The following SPHKAP variants were observed in gnomAD, a reference collection of about 807,000 sequenced individuals.
SPHKAP encodes A-kinase anchor protein SPHKAP.
In SPHKAP, 67 loss-of-function variants were observed where a neutral mutation model predicts 137.5. That is an observed-to-expected ratio of 0.49 (90% CI 0.40 to 0.60). The LOEUF is 0.60. SPHKAP is among the 20% of genes least tolerant of loss of function. SPHKAP has a pLI of 0.00. For synonymous variants in SPHKAP, 813 were observed against 785.3 expected, an observed-to-expected ratio of 1.04 and a Z score of -0.59; for missense variants, 2,097 against 2,069.3, an observed-to-expected ratio of 1.01 and a Z score of -0.26.
At chr2:228,178,550 T>G (rs1424702342) in intron 1 of SPHKAP, among the ~76,000 whole-genome samples, 2 of 152,148 alleles carry the variant, frequency 1.3e-5, no homozygotes, top group Non-Finnish European at 2.9e-5. Context: ...CTTTTTTTGT[T>G]TTTCTAATAT....
At chr2:228,076,261 G>T (rs570283318) in intron 3 of SPHKAP, among the ~76,000 whole-genome samples, 1 of 152,084 alleles carries the variant, frequency 6.6e-6, no homozygotes, top group Non-Finnish European at 1.5e-5. Context: ...GTATGAATAC[G>T]GACTAATACA....
chr2:228,044,291 A>G (rs7584670), intron 3 of SPHKAP, among the ~76,000 whole-genome samples: 58,120 of 152,122 alleles, frequency 0.38, 11,565 homozygotes, highest in South Asian at 0.51. Context: ...GGGAAGTAGA[A>G]AAATATTTAG....
At chr2:228,067,919 A>G (rs191002822) in intron 3 of SPHKAP, among the ~76,000 whole-genome samples, 5 of 152,322 alleles carry the variant, frequency 3.3e-5, no homozygotes, top group African/African-American at 9.6e-5. Flanking sequence ...GGGTATCCAA[A>G]CTGGAAAGGA....
At chr2:228,062,359 A>G (rs1229548007) in intron 3 of SPHKAP, among the ~76,000 whole-genome samples, 1 of 151,892 alleles carries the variant, frequency 6.6e-6, no homozygotes, top group Non-Finnish European at 1.5e-5. Context: ...TCCTGACCTC[A>G]GGTGATCCAC....
At chr2:228,062,228 A>T (rs1476882747) in intron 3 of SPHKAP, among the ~76,000 whole-genome samples, 1 of 151,078 alleles carries the variant, frequency 6.6e-6, no homozygotes, top group Non-Finnish European at 1.5e-5. Flanking sequence ...GGGTTCGAAC[A>T]ATTCTCCTGC....
chr2:228,004,758 C>G (rs927057776), intron 7 of SPHKAP, among the ~76,000 whole-genome samples: 2 of 152,024 alleles, frequency 1.3e-5, no homozygotes, highest in African/African-American at 2.4e-5. Flanking sequence ...TATGTTGTGT[C>G]TTTGTTCTCG....
At chr2:228,001,045 T>A (rs1227936568) in intron 7 of SPHKAP, among the ~76,000 whole-genome samples, 1 of 152,090 alleles carries the variant, frequency 6.6e-6, no homozygotes, top group Admixed American at 6.6e-5. Context: ...TTTGCCAGCA[T>A]CTGGTTTTGT....
intron 3 of SPHKAP, among the ~76,000 whole-genome samples, chr2:228,051,354 C>T (rs899528944): frequency 6.6e-6 from 1 of 152,120 alleles, no homozygotes; most frequent in Non-Finnish European, 1.5e-5. Context: ...TACTTTTCTG[C>T]CCCTTAACTT....
chr2:228,153,971 A>C (rs1700017523), intron 1 of SPHKAP, among the ~76,000 whole-genome samples: 1 of 152,196 alleles, frequency 6.6e-6, no homozygotes, highest in Non-Finnish European at 1.5e-5. Context: ...TCCCAGAAAG[A>C]ATCAGAAGTA....
chr2:228,105,020 G>A (rs1392087524), intron 3 of SPHKAP, among the ~76,000 whole-genome samples: 2 of 152,140 alleles, frequency 1.3e-5, no homozygotes, highest in African/African-American at 2.4e-5. Context: ...TCAGACTGGA[G>A]TGAGGTAGTG....
At chr2:228,153,932 G>T (rs1033515961) in intron 1 of SPHKAP, among the ~76,000 whole-genome samples, 1 of 152,120 alleles carries the variant, frequency 6.6e-6, no homozygotes, top group Admixed American at 6.6e-5. Context: ...GACTAAATTA[G>T]ACAGAACTGG....
chr2:228,098,744 CT>C (rs1360824251), intron 3 of SPHKAP, among the ~76,000 whole-genome samples: 1 of 134,174 alleles, frequency 7.5e-6, no homozygotes, highest in Non-Finnish European at 1.6e-5. Context: ...CACATGTACC[CT>C]AAACCTTAAA....
At chr2:228,057,969 G>A (rs1400319296) in intron 3 of SPHKAP, among the ~76,000 whole-genome samples, 1 of 152,144 alleles carries the variant, frequency 6.6e-6, no homozygotes, top group Non-Finnish European at 1.5e-5. Flanking sequence ...ACATAATTGT[G>A]AGGGCAGTTT....
At chr2:228,123,235 A>T (rs1309847507) in intron 2 of SPHKAP, among the ~76,000 whole-genome samples, 1 of 152,198 alleles carries the variant, frequency 6.6e-6, no homozygotes, top group Non-Finnish European at 1.5e-5. Flanking sequence ...TTTTCTTAAA[A>T]ATATCCCCAT....
chr2:228,115,900 A>G (rs1380625095), intron 2 of SPHKAP, among the ~76,000 whole-genome samples: 1 of 152,142 alleles, frequency 6.6e-6, no homozygotes, highest in Non-Finnish European at 1.5e-5. Flanking sequence ...TTGGGAGGTG[A>G]TTAGGTTAAA....
At chr2:228,162,744 G>A (rs4555338) in intron 1 of SPHKAP, among the ~76,000 whole-genome samples, 10,507 of 152,052 alleles carry the variant, frequency 0.069, 407 homozygotes, top group Non-Finnish European at 0.082. Context: ...TGTTGCCCAG[G>A]CTGGAGTGCA....
Position 228,001,812 on chromosome 2 carries a change from G to A in SPHKAP, c.4449-6118C>T, listed in dbSNP as rs534905777. ...TCAATTCCCACCTATGAGTGAGAAC[G>A]TGAAGTGTTTGGTTTTTTTTCCTTG... On this transcript the variant is annotated intron_variant, in intron 7 of 11. Transcript: ENST00000392056. 2.5e-3 allele frequency among the ~76,000 whole-genome samples: 387 copies of A among 151,956 alleles called. 1 individual carries two copies. The highest frequency in any genetic ancestry group is 4.1e-3 in the Non-Finnish European group (280 of 67,954).
chr2:227,981,585 A>T lies in SPHKAP; in HGVS notation c.*132T>A. 1 of 1,208,650 alleles carries T rather than the reference A, an allele frequency of 8.3e-7. No homozygotes were observed. The highest frequency in any genetic ancestry group is 1.1e-6 in the Non-Finnish European group (1 of 884,146). 74.9% of individuals were successfully genotyped at this position (1,208,650 alleles called of 1,614,324 possible). On this transcript the variant is annotated 3_prime_UTR_variant, in exon 12 of 12. Transcript: ENST00000392056. ...ACTTATTCTGTATGCAGTGGATCTG[A>T]GTAGCAGATTTTTTTTTATAGTTCT...
intron 3 of SPHKAP, among the ~76,000 whole-genome samples, chr2:228,074,413 G>A (rs961572411): frequency 1.3e-5 from 2 of 152,178 alleles, no homozygotes; most frequent in Non-Finnish European, 2.9e-5. Flanking sequence ...TCACAATTAT[G>A]GCGGAAGGTG....
Sources: allele counts gnomAD v4.1 joint callset (sites outside exome capture counted in the v4.1 genomes callset), GRCh38; gene constraint gnomAD v4.1.1; transcripts MANE v1.5; gene names NCBI Gene and HGNC (gene_info 2026-07-23, HGNC 2026-07-21).